Variants in ST18 observed in about 807,000 individuals in gnomAD.
The protein encoded by ST18 is suppression of tumorigenicity 18 protein.
In ST18, 50 loss-of-function variants were observed where a neutral mutation model predicts 110.0. That is an observed-to-expected ratio of 0.45 (90% CI 0.36 to 0.58). The LOEUF is 0.58. ST18 is among the 20% of genes least tolerant of loss of function. The pLI, the probability that ST18 is intolerant of heterozygous loss-of-function variation, is 0.00. For missense variants in ST18, 1,306 were observed against 1,280.1 expected, an observed-to-expected ratio of 1.02 and a Z score of -0.31; for synonymous variants, 461 against 452.4, an observed-to-expected ratio of 1.02 and a Z score of -0.24.
chr8:52,320,394 A>G lies in ST18; in HGVS notation c.-465+88934T>C, dbSNP rs10282747. 6.8e-3 allele frequency among the ~76,000 whole-genome samples: 1,039 copies of G among 152,290 alleles called. 11 individuals carry two copies. The highest frequency in any genetic ancestry group is 0.024 in the African/African-American group (984 of 41,572). The stretch of plus-strand genomic sequence containing the variant: ...TACTATTGATTTTTTTTTTACCACA[A>G]ATAAATAAAATTGAATTTAAAAATA... On this transcript the variant is annotated intron_variant, in intron 2 of 25. Transcript: ENST00000689386.
At chr8:52,358,366 T>C (rs541144943) in intron 2 of ST18, among the ~76,000 whole-genome samples, 66 of 151,806 alleles carry the variant, frequency 4.3e-4, no homozygotes, top group Non-Finnish European at 8.4e-4. Context: ...TGGAGTTAAA[T>C]GAAATAGGGA....
chr8:52,378,549 A>C (rs1833285916), intron 2 of ST18, among the ~76,000 whole-genome samples: 1 of 152,162 alleles, frequency 6.6e-6, no homozygotes, highest in Non-Finnish European at 1.5e-5. Flanking sequence ...TTCCTAGTTT[A>C]GCCAGGAGGG....
chr8:52,210,703 TAAAAC>T (rs1409596626), intron 8 of ST18, among the ~76,000 whole-genome samples: 1 of 151,928 alleles, frequency 6.6e-6, no homozygotes, highest in African/African-American at 2.4e-5. Context: ...AAAATAAAAT[TAAAAC>T]AAAATTCTTA....
At chr8:52,226,352 A>G (rs117162069) in intron 3 of ST18, among the ~76,000 whole-genome samples, 3,518 of 152,276 alleles carry the variant, frequency 0.023, 69 homozygotes, top group Non-Finnish European at 0.037. Flanking sequence ...ACAAAATACT[A>G]TGAGCAAAAA....
chr8:52,293,427 T>A (rs2095585891), intron 2 of ST18, among the ~76,000 whole-genome samples: 1 of 152,198 alleles, frequency 6.6e-6, no homozygotes, highest in Non-Finnish European at 1.5e-5. Context: ...ATGTTCTTAG[T>A]GGTAAGTGCG....
chr8:52,249,919 A>G (rs934501015), intron 2 of ST18, among the ~76,000 whole-genome samples: 7 of 152,072 alleles, frequency 4.6e-5, no homozygotes, highest in Non-Finnish European at 1.5e-5. Flanking sequence ...TTAGCACAAC[A>G]AAAAAGAATT....
intron 2 of ST18, among the ~76,000 whole-genome samples, chr8:52,402,851 G>A (rs1843208956): frequency 6.6e-6 from 1 of 152,220 alleles, no homozygotes; most frequent in Admixed American, 6.5e-5. Flanking sequence ...GGGCAGCACA[G>A]CTCAGCCAAG....
At chr8:52,301,810 T>C (rs1297752741) in intron 2 of ST18, 4 of 152,252 alleles carry the variant, frequency 2.6e-5, no homozygotes, top group Non-Finnish European at 5.9e-5. Flanking sequence ...ATGCCTTTCA[T>C]CCTTCCTCCT....
At chr8:52,133,433 G>T in intron 19 of ST18, 132 bp from the exon 20 acceptor site, 2 of 1,000,416 alleles carry the variant, frequency 2.0e-6, no homozygotes, top group South Asian at 1.4e-5. Flanking sequence ...GGAGGGAGGC[G>T]GGGTCACACA....
Position 52,113,218 on chromosome 8 carries a change from C to T in ST18, c.3124G>A (p.Val1042Met). Residue 1042 changes from valine (V) to methionine (M), a missense_variant, in exon 26 of 26, where the codon GTG becomes ATG. By Grantham distance (21) the Val-to-Met change is conservative (BLOSUM62 1). Coordinates refer to ENST00000689386, the MANE Select transcript of ST18 (RefSeq NM_001352837.2). ...TGATCCTACACATGGATACCCTTCA[C>T]TGCCTGTTTGATACTTTCCAGTAGA... Reference protein sequence around the residue: ...KALLESIKQAVKGIHV With the variant: ...KALLESIKQAMKGIHV 1 of 1,614,110 alleles carries T rather than the reference C, an allele frequency of 6.2e-7. No homozygotes were observed.
chr8:52,151,277 C>T (rs980965564), intron 15 of ST18, among the ~76,000 whole-genome samples: 1 of 151,944 alleles, frequency 6.6e-6, no homozygotes, highest in African/African-American at 2.4e-5. Context: ...AATAAAAGCC[C>T]TTCTTTTATT....
chr8:52,388,905 T>C (rs1433576785), intron 2 of ST18, among the ~76,000 whole-genome samples: 2 of 149,070 alleles, frequency 1.3e-5, no homozygotes, highest in African/African-American at 2.5e-5. Context: ...GCATGGCACA[T>C]GTATACATAT....
chr8:52,223,607 A>G (rs1243889444), intron 3 of ST18, among the ~76,000 whole-genome samples: 1 of 151,698 alleles, frequency 6.6e-6, no homozygotes, highest in Non-Finnish European at 1.5e-5. Context: ...TCACACTGCT[A>G]CACTCCAGCC....
In ST18 at chr8:52,131,950, C is replaced by T. The variant is rs2049805149; in HGVS notation, c.2666+8G>A. The stretch of plus-strand genomic sequence containing the variant: ...CACTACAACAAAAAGACAGAAAACT[C>T]ATGTTACCTTCGGTGGGTGACAAAA... On this transcript the variant is annotated splice_region_variant and intron_variant, in intron 22 of 25. Transcript: ENST00000689386. 1.2e-6 allele frequency: 2 copies of T among 1,613,514 alleles called. No homozygotes were observed.
chr8:52,222,452 C>T (rs532168602), intron 3 of ST18, among the ~76,000 whole-genome samples: 12 of 152,324 alleles, frequency 7.9e-5, no homozygotes, highest in East Asian at 3.9e-4. Flanking sequence ...CCCCATCTGC[C>T]GTGGCTCCCC....
Position 52,136,621 on chromosome 8 carries a change from A to T in ST18, c.2269T>A (p.Ser757Thr). The change falls in exon 19 of 26, where the codon TCC (serine) becomes ACC (threonine). Residue 757 changes from serine (S) to threonine (T), a missense_variant. Ser to Thr is a moderately conservative substitution (Grantham distance 58). Transcript: ENST00000689386. ...GCPLADKTLK[S>T]LMAANSQELK... ...TCCTGAGAGTTGGCAGCCATGAGGGATTTTAGAGTCTTATCTGCTAAAGGA... is the reference window on the plus strand; with the variant it reads ...TCCTGAGAGTTGGCAGCCATGAGGGTTTTTAGAGTCTTATCTGCTAAAGGA... 6.2e-7 allele frequency: 1 copy of T among 1,611,436 alleles called. No individual in the cohort carries two copies. Among genetic ancestry groups the T allele is most frequent in the South Asian group, 1.1e-5 (1 of 89,946 alleles).
At chr8:52,217,492 GA>G (rs1276851400) in intron 6 of ST18, among the ~76,000 whole-genome samples, 1 of 152,100 alleles carries the variant, frequency 6.6e-6, no homozygotes, top group African/African-American at 2.4e-5. Flanking sequence ...ATAATGCCAT[GA>G]AAAAAACTTC....
chr8:52,213,129 G>A (rs1210724858), intron 7 of ST18, among the ~76,000 whole-genome samples: 2 of 151,974 alleles, frequency 1.3e-5, no homozygotes, highest in Admixed American at 6.6e-5. Context: ...AAGTAAGACT[G>A]GAAAATAATA....
intron 2 of ST18, among the ~76,000 whole-genome samples, chr8:52,388,859 A>G (rs1158539501): frequency 4.7e-5 from 7 of 150,232 alleles, no homozygotes; most frequent in Non-Finnish European, 8.9e-5. Flanking sequence ...AGATATACCT[A>G]ATGCTAAATG....
Sources: allele counts gnomAD v4.1 joint callset (sites outside exome capture counted in the v4.1 genomes callset), GRCh38; gene constraint gnomAD v4.1.1; transcripts MANE v1.5; gene names NCBI Gene and HGNC (gene_info 2026-07-23, HGNC 2026-07-21).